The following TGM3 variants were observed in gnomAD, a reference collection of about 807,000 sequenced individuals.
The protein encoded by TGM3 is transglutaminase 3, also known as protein-glutamine gamma-glutamyltransferase E.
A neutral mutation model predicts 73.8 loss-of-function variants in TGM3; 52 were observed. The observed-to-expected ratio is 0.70, with a 90% CI of 0.56 to 0.89. The LOEUF (loss-of-function observed/expected upper bound fraction) is 0.89. TGM3 is among the 40% of genes least tolerant of loss of function. The pLI, the probability that TGM3 is intolerant of heterozygous loss-of-function variation, is 0.00. For synonymous variants in TGM3, 372 were observed against 354.9 expected (o/e 1.05, Z -0.54); for missense variants, 928 against 909.9 (o/e 1.02, Z -0.26).
intron 5 of TGM3, among the ~76,000 whole-genome samples, chr20:2,315,888 G>T (rs2122226260): frequency 6.6e-6 from 1 of 152,208 alleles, no homozygotes; most frequent in Non-Finnish European, 1.5e-5. Context: ...CTTTTATTAT[G>T]GAAAAGTTCA....
intron 5 of TGM3, among the ~76,000 whole-genome samples, chr20:2,313,232 G>A (rs1428973091): frequency 6.6e-6 from 1 of 152,182 alleles, no homozygotes; most frequent in Non-Finnish European, 1.5e-5. Flanking sequence ...GTGAGTATGT[G>A]GCAGAAGCAG....
At chr20:2,309,158 C>T (rs569720451) in intron 1 of TGM3, among the ~76,000 whole-genome samples, 60 of 152,350 alleles carry the variant, frequency 3.9e-4, no homozygotes, top group African/African-American at 1.3e-3. Context: ...GGATTACTGG[C>T]GTGAGCCACC....
rs2084324434 is a variant in TGM3 at position 2,332,204 on chromosome 20, G to A, written c.1536G>A (p.Thr512=). 6.2e-6 allele frequency: 10 copies of A among 1,614,068 alleles called. No individual in the cohort carries two copies. Among genetic ancestry groups the A allele is most frequent in the East Asian group, 2.2e-5 (1 of 44,882 alleles). Residue 512 remains threonine (T), a synonymous_variant, in exon 10 of 13, where the codon ACG becomes ACA. Coordinates refer to ENST00000381458, the MANE Select transcript of TGM3 (RefSeq NM_003245.4). This position sits in a 1 kb window ranked among gnomAD's most constrained non-coding sequence, Gnocchi z 4.4. ...VLLLKNLSRD[T]KTVTVNMTAW... ...TGCTCAAAAACCTGAGCAGGGATAC[G>A]AAGACAGTGACAGTGAACATGACAG...
In TGM3 at chr20:2,335,096, C is replaced by A. The variant is rs146687157; in HGVS notation, c.1643-20C>A. 3.9e-5 allele frequency: 63 copies of A among 1,613,926 alleles called. No individual in the cohort carries two copies. In the East Asian group the frequency reaches 1.4e-3, roughly 35 times the overall value. On this transcript the variant is annotated intron_variant, in intron 10 of 12. Coordinates refer to ENST00000381458, the MANE Select transcript of TGM3 (RefSeq NM_003245.4). ...CATCCCCACTCCCCCTCACTCGGAT[C>A]CCCTGGCTTCTCCTTCCAGAGGCAG...
chr20:2,330,138 C>A (rs1322153125), intron 9 of TGM3, among the ~76,000 whole-genome samples: 1 of 152,186 alleles, frequency 6.6e-6, no homozygotes, highest in Non-Finnish European at 1.5e-5. Context: ...TTGCCCAGAT[C>A]TTCTTACCTA....
chr20:2,314,660 G>A (rs1434571303), intron 5 of TGM3, among the ~76,000 whole-genome samples: 1 of 151,412 alleles, frequency 6.6e-6, no homozygotes, highest in Admixed American at 6.6e-5. Flanking sequence ...GTTGCAGGCT[G>A]CAGTGATCTG....
intron 7 of TGM3, 55 bp downstream of exon 7, chr20:2,317,540 G>T (rs1043264299): frequency 1.6e-5 from 25 of 1,605,244 alleles, no homozygotes; most frequent in Non-Finnish European, 2.1e-5. Flanking sequence ...GTGGCTTCTC[G>T]CTCTCACCAT....
At chr20:2,310,551 G>C (rs752798967) in intron 3 of TGM3, 134 bp downstream of exon 3, 33 of 1,399,980 alleles carry the variant, frequency 2.4e-5, no homozygotes, top group Non-Finnish European at 2.9e-5. Flanking sequence ...GCAGAAGCTA[G>C]AAATGAGGAG....
chr20:2,310,254 G>A lies in TGM3; in HGVS notation c.258G>A (p.Ala86=), dbSNP rs140997555. 183 of 1,614,062 alleles carry A rather than the reference G, an allele frequency of 1.1e-4. No individual in the cohort carries two copies. The highest frequency in any genetic ancestry group is 8.0e-4 in the African/African-American group (60 of 74,932). ...LSNGSSGGWS[A]VLQASNGNTL... ...ATGGCAGTAGTGGTGGCTGGAGTGC[G>A]GTGCTTCAGGCCAGCAATGGCAATA... The change falls in exon 3 of 13, where the codon GCG becomes GCA. Residue 86 remains alanine, a synonymous_variant. Coordinates refer to ENST00000381458, the MANE Select transcript of TGM3 (RefSeq NM_003245.4).
chr20:2,306,499 T>C (rs577895354), intron 1 of TGM3, among the ~76,000 whole-genome samples: 4 of 144,458 alleles, frequency 2.8e-5, no homozygotes, highest in Non-Finnish European at 6.0e-5. Context: ...CATTTTGAGA[T>C]GGAATCTCGC....
In TGM3 at chr20:2,328,641, A is replaced by G. The variant is rs1002544277; in HGVS notation, c.1333+276A>G. Among the ~76,000 whole-genome samples, 6 of 152,254 alleles carry G rather than the reference A, an allele frequency of 3.9e-5. No homozygotes were observed. Among genetic ancestry groups the G allele is most frequent in the Non-Finnish European group, 7.3e-5 (5 of 68,044 alleles). ...CTCCAGCTGTGTCCCTGTCTCAACTACACAGCTAGGGTGACAGCACCGTGA... is the reference window on the plus strand; with the variant it reads ...CTCCAGCTGTGTCCCTGTCTCAACTGCACAGCTAGGGTGACAGCACCGTGA... On this transcript the variant is annotated intron_variant, in intron 9 of 12. Coordinates refer to ENST00000381458, the MANE Select transcript of TGM3 (RefSeq NM_003245.4). This position sits in a 1 kb window ranked among gnomAD's most constrained non-coding sequence, Gnocchi z 5.2.
chr20:2,310,507 T>C lies in TGM3; in HGVS notation c.421+90T>C. 11 of 1,551,122 alleles carry C rather than the reference T, an allele frequency of 7.1e-6. No individual in the cohort carries two copies. In the South Asian group the frequency reaches 1.4e-4, roughly 19 times the overall value. On this transcript the variant is annotated intron_variant, in intron 3 of 12. Coordinates refer to ENST00000381458, the MANE Select transcript of TGM3 (RefSeq NM_003245.4). The stretch of plus-strand genomic sequence containing the variant: ...GAAATGATCTTCACAGGCTCAAGTT[T>C]GATTAGGGAAAGTCCATGGGCTGTG...
chr20:2,302,727 A>AAAAAAAAAAAAAT (rs1161943771), intron 1 of TGM3, among the ~76,000 whole-genome samples: 1 of 151,928 alleles, frequency 6.6e-6, no homozygotes, highest in Non-Finnish European at 1.5e-5. Flanking sequence ...AAAAAAAAAA[A>AAAAAAAAAAAAAT]AATTTAAAAC....
chr20:2,303,015 T>G (rs2092378), intron 1 of TGM3, among the ~76,000 whole-genome samples: 2 of 152,092 alleles, frequency 1.3e-5, no homozygotes, highest in East Asian at 3.9e-4. Flanking sequence ...ATGCCCAGAA[T>G]AGGGCCGAGC....
intron 1 of TGM3, among the ~76,000 whole-genome samples, chr20:2,309,032 C>T (rs983748460): frequency 6.6e-6 from 1 of 152,122 alleles, no homozygotes; most frequent in Non-Finnish European, 1.5e-5. Context: ...TGTGAACCAC[C>T]ATGACCAGCT....
chr20:2,296,153 G>A lies in TGM3; in HGVS notation c.7+83G>A, dbSNP rs1177133457. On this transcript the variant is annotated intron_variant, in intron 1 of 12. Coordinates refer to ENST00000381458, the MANE Select transcript of TGM3 (RefSeq NM_003245.4). ...GCCAGCCTGCCAAGCCAGAGTGTCC[G>A]GCCAGGACAGCTGCCTGCCTTGGGG... 2.3e-5 allele frequency: 35 copies of A among 1,501,972 alleles called. No homozygotes were observed. In the East Asian group the frequency reaches 4.4e-4, roughly 19 times the overall value. 93.0% of individuals were successfully genotyped at this position (1,501,972 alleles called of 1,614,324 possible). A position where few individuals can be genotyped will look rare whatever the true frequency, so the allele number is the denominator to read the frequency against.
chr20:2,339,820 G>A (rs201159615), intron 11 of TGM3, 34 bp from the exon 12 acceptor site: 48 of 1,613,074 alleles, frequency 3.0e-5, no homozygotes, highest in Non-Finnish European at 3.9e-5. Context: ...CTGAGCAGCT[G>A]GAGTCCTGAC....
chr20:2,321,186 T>C lies in TGM3; in HGVS notation c.983+3701T>C, dbSNP rs148696288. Among the ~76,000 whole-genome samples the C allele has an allele frequency of 3.3e-5, 5 of 152,346 alleles. No individual in the cohort carries two copies. In the East Asian group the frequency reaches 9.6e-4, roughly 29 times the overall value. On this transcript the variant is annotated intron_variant, in intron 7 of 12. Coordinates refer to ENST00000381458, the MANE Select transcript of TGM3 (RefSeq NM_003245.4). ...AACATGATTCCATGCACATCTGCAC[T>C]GGACTCCGGGCACCAAGAGGAACAA...
At chr20:2,316,580 T>A (rs1040066593) in intron 5 of TGM3, among the ~76,000 whole-genome samples, 88 of 150,418 alleles carry the variant, frequency 5.9e-4, no homozygotes, top group African/African-American at 2.1e-3. Flanking sequence ...ATAATAATAA[T>A]AAATAATAAT....
Sources: allele counts gnomAD v4.1 joint callset (sites outside exome capture counted in the v4.1 genomes callset), GRCh38; gene constraint gnomAD v4.1.1; non-coding constraint Gnocchi (gnomAD v3.1); transcripts MANE v1.5; gene names NCBI Gene and HGNC (gene_info 2026-07-23, HGNC 2026-07-21).